LRMDA: variants seen among roughly 807,000 people sequenced by gnomAD.
The protein encoded by LRMDA is leucine rich melanocyte differentiation associated, also known as leucine-rich melanocyte differentiation-associated protein.
LRMDA carries 18 observed loss-of-function variants against 29.8 expected under a neutral mutation model. The ratio of observed to expected loss-of-function variants is 0.60; its 90% confidence interval spans 0.42 to 0.90. LRMDA has a LOEUF of 0.90. Ranked by LOEUF, LRMDA falls within the 40% of genes least tolerant of loss-of-function variation. LRMDA has a pLI of 0.00. For missense variants in LRMDA, 273 were observed against 273.9 expected, an observed-to-expected ratio of 1.00 and a Z score of 0.02; for synonymous variants, 125 against 109.4, an observed-to-expected ratio of 1.14 and a Z score of -0.89.
intron 2 of LRMDA, among the ~76,000 whole-genome samples, chr10:75,975,532 A>C (rs1040284160): frequency 6.6e-6 from 1 of 152,128 alleles, no homozygotes; most frequent in African/African-American, 2.4e-5. Context: ...CTCTTTGTGG[A>C]GTGCCAGGGA....
intron 2 of LRMDA, among the ~76,000 whole-genome samples, chr10:75,448,373 T>G (rs1306317754): frequency 1.3e-5 from 2 of 152,298 alleles, no homozygotes; most frequent in African/African-American, 4.8e-5. Flanking sequence ...ACCCTCTCCC[T>G]CTGCCCTGCT....
At chr10:76,070,276 C>T (rs1848854651) in intron 5 of LRMDA, among the ~76,000 whole-genome samples, 1 of 152,154 alleles carries the variant, frequency 6.6e-6, no homozygotes, top group Admixed American at 6.6e-5. Flanking sequence ...GGGCAGGTAC[C>T]TAAGTCAGCT....
rs1431299497 is a variant in LRMDA, at chr10:75,728,468, GTGTA to G, written c.131+289977_131+289980del. On this transcript the variant is annotated intron_variant, in intron 2 of 6. Transcript: ENST00000611255. Reference sequence around the variant, plus strand: ...TGTGTGTGTGTGTGTGTGTGTGTGTGTGTATGAAAGGTGCATATACAGAGGTGGT... The same window carrying G: ...TGTGTGTGTGTGTGTGTGTGTGTGTGTGAAAGGTGCATATACAGAGGTGGT... 4.1e-5 allele frequency among the ~76,000 whole-genome samples: 6 copies of G among 146,036 alleles called. No individual in the cohort carries two copies. The South Asian group carries it at 6.7e-4, about 16-fold the overall frequency.
chr10:75,982,726 G>T (rs7074140), intron 2 of LRMDA, among the ~76,000 whole-genome samples: 1 of 152,182 alleles, frequency 6.6e-6, no homozygotes, highest in African/African-American at 2.4e-5. Flanking sequence ...AAACACCTGA[G>T]ATTATTATTA....
At chr10:76,521,787 C>G (rs573880808) in intron 6 of LRMDA, among the ~76,000 whole-genome samples, 1 of 152,030 alleles carries the variant, frequency 6.6e-6, no homozygotes, top group African/African-American at 2.4e-5. Flanking sequence ...GCATTTTGCC[C>G]CAATTCTCTG....
intron 5 of LRMDA, among the ~76,000 whole-genome samples, chr10:76,222,737 A>G (rs1232276569): frequency 1.3e-5 from 2 of 152,186 alleles, no homozygotes; most frequent in African/African-American, 4.8e-5. Context: ...AACTAGAAAT[A>G]CCATTTGACC....
intron 2 of LRMDA, among the ~76,000 whole-genome samples, chr10:75,566,288 C>T (rs767550318): frequency 1.6e-4 from 25 of 152,220 alleles, no homozygotes; most frequent in Admixed American, 1.0e-3. Context: ...GAGTTATGTC[C>T]ACTCGTGTTC....
At chr10:75,972,744 C>T (rs1039616682) in intron 2 of LRMDA, among the ~76,000 whole-genome samples, 3 of 152,146 alleles carry the variant, frequency 2.0e-5, no homozygotes, top group Admixed American at 6.5e-5. Context: ...CAGCAGTGTG[C>T]GTCAGAAGCC....
At chr10:76,448,191 C>T (rs1264895741) in intron 6 of LRMDA, among the ~76,000 whole-genome samples, 1 of 152,054 alleles carries the variant, frequency 6.6e-6, no homozygotes, top group Non-Finnish European at 1.5e-5. Context: ...TTTTGCTTTT[C>T]ACTGAATAGA....
At chr10:75,739,368 A>G (rs1239936366) in intron 2 of LRMDA, among the ~76,000 whole-genome samples, 1 of 152,234 alleles carries the variant, frequency 6.6e-6, no homozygotes, top group Non-Finnish European at 1.5e-5. Flanking sequence ...CTCATGAATA[A>G]TTAAAAACTT....
intron 5 of LRMDA, among the ~76,000 whole-genome samples, chr10:76,239,724 A>G (rs1564696681): frequency 6.6e-6 from 1 of 151,918 alleles, no homozygotes. Context: ...TATCCTCTGT[A>G]CTTTCTATAA....
At chr10:75,911,923 A>G (rs139537179) in intron 2 of LRMDA, among the ~76,000 whole-genome samples, 2 of 152,218 alleles carry the variant, frequency 1.3e-5, no homozygotes, top group Non-Finnish European at 2.9e-5. Context: ...TTCTGTGTAC[A>G]TTGCCCAGCC....
rs767150980 is a variant in LRMDA at position 76,192,250 on chromosome 10, T to C, written c.517-132151T>C. On this transcript the variant is annotated intron_variant, in intron 5 of 6. Coordinates refer to ENST00000611255, the MANE Select transcript of LRMDA (RefSeq NM_001305581.2). ...TCCTGGGAACCACCTCCAGTGAGTC[T>C]AATTTCTTAGATATGACACAGAGCT... 3.3e-4 allele frequency among the ~76,000 whole-genome samples: 50 copies of C among 152,226 alleles called. 1 individual carries two copies. The highest frequency in any genetic ancestry group is 1.3e-4 in the Admixed American group (2 of 15,280).
At chr10:75,733,534 T>G (rs977570906) in intron 2 of LRMDA, among the ~76,000 whole-genome samples, 3 of 152,210 alleles carry the variant, frequency 2.0e-5, no homozygotes, top group African/African-American at 7.2e-5. Flanking sequence ...TGCCACAGGT[T>G]GACTTTTTTT....
intron 2 of LRMDA, among the ~76,000 whole-genome samples, chr10:75,527,311 T>C (rs889308071): frequency 3.3e-5 from 5 of 152,238 alleles, no homozygotes; most frequent in Admixed American, 3.3e-4. Context: ...TTTGGGTTGA[T>C]TTTACATTTT....
intron 2 of LRMDA, among the ~76,000 whole-genome samples, chr10:75,947,342 A>T (rs1846493788): frequency 6.6e-6 from 1 of 152,188 alleles, no homozygotes; most frequent in Non-Finnish European, 1.5e-5. Flanking sequence ...TGATGAGCTG[A>T]GATCACAGGT....
intron 6 of LRMDA, among the ~76,000 whole-genome samples, chr10:76,448,228 T>A (rs1842371744): frequency 6.6e-6 from 1 of 152,170 alleles, no homozygotes; most frequent in Admixed American, 6.5e-5. Flanking sequence ...TCGTTTTATA[T>A]CCTTCTCTTT....
chr10:75,619,765 G>T (rs1378366957), intron 2 of LRMDA, among the ~76,000 whole-genome samples: 1 of 152,146 alleles, frequency 6.6e-6, no homozygotes. Context: ...GTAGATCTGG[G>T]TTTACAGTTG....
rs920248586 is a variant in LRMDA, at chr10:75,612,147, C to T, written c.131+173653C>T. Reference sequence around the variant, plus strand: ...GGATTAGATTTCCTTTGGAAATACCCAGGGGGTTAAAAATTAAGAGGAGAA... The same window carrying T: ...GGATTAGATTTCCTTTGGAAATACCTAGGGGGTTAAAAATTAAGAGGAGAA... On this transcript the variant is annotated intron_variant, in intron 2 of 6. Coordinates refer to ENST00000611255, the MANE Select transcript of LRMDA (RefSeq NM_001305581.2). Among the ~76,000 whole-genome samples the T allele has an allele frequency of 1.4e-4, 21 of 152,136 alleles. 1 individual carries two copies. Among genetic ancestry groups the T allele is most frequent in the Non-Finnish European group, 2.9e-5 (2 of 68,024 alleles).
Sources: allele counts gnomAD v4.1 joint callset (sites outside exome capture counted in the v4.1 genomes callset), GRCh38; gene constraint gnomAD v4.1.1; transcripts MANE v1.5; gene names NCBI Gene and HGNC (gene_info 2026-07-23, HGNC 2026-07-21).